EYS: variants seen among roughly 807,000 people sequenced by gnomAD.
EYS encodes protein eyes shut homolog.
A neutral mutation model predicts 282.1 loss-of-function variants in EYS; 250 were observed. The observed-to-expected ratio is 0.89, with a 90% confidence interval of 0.80 to 0.98. The LOEUF is 0.98. Ranked by LOEUF, EYS falls within the 50% of genes least tolerant of loss-of-function variation. EYS has a pLI of 0.00. For synonymous variants in EYS, 1,355 were observed against 1,282.9 expected, an observed-to-expected ratio of 1.06 and a Z score of -1.20; for missense variants, 4,016 against 3,709.0, an observed-to-expected ratio of 1.08 and a Z score of -2.15.
chr6:64,767,255 T>C (rs576636247), intron 22 of EYS, among the ~76,000 whole-genome samples: 17 of 152,152 alleles, frequency 1.1e-4, no homozygotes, highest in African/African-American at 4.1e-4. Context: ...ATACCGTACA[T>C]TTATTATGTC....
chr6:65,026,069 T>A (rs2224206), intron 13 of EYS, among the ~76,000 whole-genome samples: 10,438 of 152,262 alleles, frequency 0.069, 450 homozygotes, highest in East Asian at 0.13. Context: ...GTCATTACTT[T>A]TCTATGATCT....
chr6:65,054,599 G>A (rs890415497), intron 13 of EYS, among the ~76,000 whole-genome samples: 2 of 152,006 alleles, frequency 1.3e-5, no homozygotes, highest in African/African-American at 4.8e-5. Context: ...AGATGTATAA[G>A]AATATAAACT....
intron 2 of EYS, among the ~76,000 whole-genome samples, chr6:65,597,227 G>T (rs983976865): frequency 1.3e-5 from 2 of 151,968 alleles, no homozygotes; most frequent in Non-Finnish European, 2.9e-5. Context: ...TTACTAATAC[G>T]CACGATTAAT....
At chr6:65,254,242 A>C (rs1767402522) in intron 12 of EYS, among the ~76,000 whole-genome samples, 1 of 151,836 alleles carries the variant, frequency 6.6e-6, no homozygotes, top group Non-Finnish European at 1.5e-5. Context: ...ACCAGTGCAC[A>C]CATAGAAAAC....
intron 31 of EYS, among the ~76,000 whole-genome samples, chr6:64,108,128 C>A (rs1199369399): frequency 2.6e-5 from 4 of 152,176 alleles, no homozygotes; most frequent in Middle Eastern, 3.4e-3. Flanking sequence ...TTTTCTCTGA[C>A]ATTGATTTTG....
At chr6:64,866,305 GT>G (rs1766423599) in intron 19 of EYS, among the ~76,000 whole-genome samples, 1 of 151,870 alleles carries the variant, frequency 6.6e-6, no homozygotes, top group Non-Finnish European at 1.5e-5. Flanking sequence ...TCCTACTACA[GT>G]TGATTAATTG....
intron 14 of EYS, among the ~76,000 whole-genome samples, chr6:64,989,658 ATTAT>A (rs1418281087): frequency 2.8e-5 from 4 of 144,654 alleles, no homozygotes; most frequent in East Asian, 2.0e-4. Flanking sequence ...TAAAAATTAT[ATTAT>A]TTATTTTTAT....
intron 41 of EYS, among the ~76,000 whole-genome samples, chr6:63,750,258 G>C (rs896249274): frequency 6.6e-6 from 1 of 152,080 alleles, no homozygotes; most frequent in Non-Finnish European, 1.5e-5. Context: ...GCATTCGTTA[G>C]GGTTGATTTC....
intron 18 of EYS, among the ~76,000 whole-genome samples, chr6:64,891,072 G>T (rs9363295): frequency 0.11 from 16,693 of 151,590 alleles, 1,113 homozygotes; most frequent in East Asian, 0.33. Context: ...AATGTTGGGG[G>T]TCCCTGCTTT....
chr6:65,160,001 C>T (rs774606155), intron 12 of EYS, among the ~76,000 whole-genome samples: 2 of 150,962 alleles, frequency 1.3e-5, no homozygotes, highest in Non-Finnish European at 3.0e-5. Flanking sequence ...TACAATGGGA[C>T]GTCTAGAATA....
At chr6:65,089,152 C>T (rs141068995) in intron 12 of EYS, among the ~76,000 whole-genome samples, 172 of 152,322 alleles carry the variant, frequency 1.1e-3, no homozygotes, top group African/African-American at 3.8e-3. Context: ...GGAACCCCCA[C>T]ACAGAGTCCC....
chr6:64,660,679 A>T (rs1768975546), intron 22 of EYS, among the ~76,000 whole-genome samples: 1 of 152,210 alleles, frequency 6.6e-6, no homozygotes, highest in Non-Finnish European at 1.5e-5. Flanking sequence ...CCAATTTACA[A>T]GGGATGTGAA....
intron 22 of EYS, among the ~76,000 whole-genome samples, chr6:64,702,573 C>G (rs981696079): frequency 5.3e-5 from 8 of 152,022 alleles, no homozygotes; most frequent in Admixed American, 5.2e-4. Flanking sequence ...AAATGTACCA[C>G]CTCAAATAAC....
intron 22 of EYS, among the ~76,000 whole-genome samples, chr6:64,725,592 G>T (rs1249414656): frequency 2.0e-5 from 3 of 151,660 alleles, no homozygotes; most frequent in Non-Finnish European, 2.9e-5. Context: ...ATCTATTCAG[G>T]CAAATAAAAA....
intron 2 of EYS, among the ~76,000 whole-genome samples, chr6:65,578,557 T>C (rs1296893896): frequency 2.0e-5 from 3 of 151,776 alleles, no homozygotes; most frequent in African/African-American, 2.4e-5. Flanking sequence ...TAACAATATA[T>C]TGTATACTTA....
intron 22 of EYS, among the ~76,000 whole-genome samples, chr6:64,784,553 C>T (rs1344545965): frequency 1.3e-5 from 2 of 152,100 alleles, no homozygotes; most frequent in African/African-American, 4.8e-5. Flanking sequence ...GTTATGTCCT[C>T]TGAACCAGAA....
intron 30 of EYS, among the ~76,000 whole-genome samples, chr6:64,297,386 C>CT (rs1198731965): frequency 1.3e-5 from 1 of 79,418 alleles, no homozygotes; most frequent in Non-Finnish European, 2.9e-5. Flanking sequence ...CCATCCATGC[C>CT]CAGGAAAGGG....
At chr6:65,645,451 G>A (rs961416548) in intron 1 of EYS, among the ~76,000 whole-genome samples, 1 of 152,078 alleles carries the variant, frequency 6.6e-6, no homozygotes, top group Non-Finnish European at 1.5e-5. Flanking sequence ...CAACAATAAA[G>A]TGAAGATGGA....
chr6:63,734,228 C>T (rs968227970), intron 41 of EYS, among the ~76,000 whole-genome samples: 1 of 152,036 alleles, frequency 6.6e-6, no homozygotes. Flanking sequence ...AATCATGCAG[C>T]ACACTCTTGT....
Sources: allele counts gnomAD v4.1 joint callset (sites outside exome capture counted in the v4.1 genomes callset), GRCh38; gene constraint gnomAD v4.1.1; transcripts MANE v1.5; gene names NCBI Gene and HGNC (gene_info 2026-07-23, HGNC 2026-07-21).